The following RHOQ variants were observed in gnomAD, a reference collection of about 807,000 sequenced individuals.
RHOQ encodes the protein rho-related GTP-binding protein RhoQ.
Under a neutral mutation model 25.8 loss-of-function variants are expected in RHOQ, and 7 were observed. The observed-to-expected ratio is 0.27, with a 90% CI of 0.15 to 0.51. The LOEUF (loss-of-function observed/expected upper bound fraction) is 0.51, where lower values mean the gene tolerates loss of function less well. Ranked by LOEUF, RHOQ falls within the 20% of genes least tolerant of loss-of-function variation. The pLI, the probability that RHOQ is intolerant of heterozygous loss-of-function variation, is 0.97. For synonymous variants in RHOQ, 97 were observed against 98.6 expected (o/e 0.98, Z 0.10); for missense variants, 165 against 260.6 (o/e 0.63, Z 2.53).
At chr2:46,545,734 T>C (rs760052743) in intron 2 of RHOQ, among the ~76,000 whole-genome samples, 1 of 152,112 alleles carries the variant, frequency 6.6e-6, no homozygotes, top group Non-Finnish European at 1.5e-5. Flanking sequence ...ACGGGGTTGA[T>C]TGGATTGTTT....
rs1007725857 is a variant in RHOQ, at chr2:46,552,978, G to A, written c.201+9166G>A. Among the ~76,000 whole-genome samples, 4 of 152,198 alleles carry A rather than the reference G, an allele frequency of 2.6e-5. No homozygotes were observed. Among genetic ancestry groups the A allele is most frequent in the East Asian group, 1.9e-4 (1 of 5,202 alleles). On this transcript the variant is annotated intron_variant, in intron 2 of 4. Coordinates refer to ENST00000238738, the MANE Select transcript of RHOQ (RefSeq NM_012249.4). The surrounding 1 kb of genome is among the most constrained non-coding windows in gnomAD (Gnocchi z 5.0). ...AAGTGATCAGTTTGGATTCTTACAC[G>A]TACTAGATGCTCAGCGAGGCCTTGA...
rs541426562 is a variant in RHOQ at position 46,555,115 on chromosome 2, G to A, written c.201+11303G>A. ...TCTGCTTCCTTCGGACAGGGACTTC[G>A]TCCAACAGGCGAGAGCTTTGGGTAT... is the stretch of plus-strand genomic sequence containing the variant. On this transcript the variant is annotated intron_variant, in intron 2 of 4. Coordinates refer to ENST00000238738, the MANE Select transcript of RHOQ (RefSeq NM_012249.4). The surrounding 1 kb of genome is among the most constrained non-coding windows in gnomAD (Gnocchi z 4.3). 4.6e-5 allele frequency among the ~76,000 whole-genome samples: 7 copies of A among 152,334 alleles called. No homozygotes were observed. Among genetic ancestry groups the A allele is most frequent in the African/African-American group, 9.6e-5 (4 of 41,576 alleles).
rs780122504 is a variant in RHOQ at position 46,548,888 on chromosome 2, A to C, written c.201+5076A>C. Among the ~76,000 whole-genome samples the C allele has an allele frequency of 6.6e-6, 1 of 152,088 alleles. No homozygotes were observed. Among genetic ancestry groups the C allele is most frequent in the Non-Finnish European group, 1.5e-5 (1 of 68,028 alleles). ...AGGTGGATAGCCTTTGTTGACTCCA[A>C]AGCCTTTGCTGTGTTCGCTCCAAAG... On this transcript the variant is annotated intron_variant, in intron 2 of 4. Coordinates refer to ENST00000238738, the MANE Select transcript of RHOQ (RefSeq NM_012249.4). This position sits in a 1 kb window ranked among gnomAD's most constrained non-coding sequence, Gnocchi z 5.2.
intron 2 of RHOQ, among the ~76,000 whole-genome samples, chr2:46,574,926 AG>A (rs1669060657): frequency 6.6e-6 from 1 of 152,192 alleles, no homozygotes. Flanking sequence ...GTCATTTAAG[AG>A]GGGAGGTGGC....
intron 2 of RHOQ, among the ~76,000 whole-genome samples, chr2:46,551,764 A>G (rs1316753186): frequency 1.3e-5 from 2 of 152,188 alleles, no homozygotes; most frequent in Non-Finnish European, 2.9e-5. Flanking sequence ...ACTCAGGCTC[A>G]GGGTAGACTG....
rs1278780088 is a variant in RHOQ, at chr2:46,548,131, A to G, written c.201+4319A>G. ...GGATGTATTGTTTCTATGTCTGTTA[A>G]CTTAAACACACAAGTTCAGGGAAGC... On this transcript the variant is annotated intron_variant, in intron 2 of 4. Coordinates refer to ENST00000238738, the MANE Select transcript of RHOQ (RefSeq NM_012249.4). The surrounding 1 kb of genome is among the most constrained non-coding windows in gnomAD (Gnocchi z 5.2). Among the ~76,000 whole-genome samples, 1 of 152,208 alleles carries G rather than the reference A, an allele frequency of 6.6e-6. No homozygotes were observed.
rs1668259101 is a variant in RHOQ, at chr2:46,552,089, A to G, written c.201+8277A>G. Among the ~76,000 whole-genome samples the G allele has an allele frequency of 6.6e-6, 1 of 152,206 alleles. No individual in the cohort carries two copies. The highest frequency in any genetic ancestry group is 6.5e-5 in the Admixed American group (1 of 15,282). ...CACATGCACTGTTGTTCAGCGTTTC[A>G]TGTAAAAGGTACATTCCAAGCGTAT... On this transcript the variant is annotated intron_variant, in intron 2 of 4. Transcript: ENST00000238738. This position sits in a 1 kb window ranked among gnomAD's most constrained non-coding sequence, Gnocchi z 5.0.
In RHOQ at chr2:46,582,408, C is replaced by T. The variant is rs1669425795; in HGVS notation, c.*1325C>T. On this transcript the variant is annotated 3_prime_UTR_variant, in exon 5 of 5. Coordinates refer to ENST00000238738, the MANE Select transcript of RHOQ (RefSeq NM_012249.4). ...GCCACAGAACTGTGTTAGAGGTGAA[C>T]CATCTTAATTACTAGTTCTATTACC... 6.6e-6 allele frequency: 1 copy of T among 152,138 alleles called. No individual in the cohort carries two copies. The highest frequency in any genetic ancestry group is 6.5e-5 in the Admixed American group (1 of 15,276). The allele number at this position is 152,138 out of a possible 1,614,324, so 9.4% of individuals were successfully genotyped here. A position where few individuals can be genotyped will look rare whatever the true frequency, so the allele number is the denominator to read the frequency against.
At position 46,552,993 on chromosome 2, in the gene RHOQ, C is replaced by T. The variant is rs750823766; in HGVS notation, c.201+9181C>T. 7.2e-5 allele frequency among the ~76,000 whole-genome samples: 11 copies of T among 152,178 alleles called. No homozygotes were observed. Among genetic ancestry groups the T allele is most frequent in the Admixed American group, 3.9e-4 (6 of 15,278 alleles). On this transcript the variant is annotated intron_variant, in intron 2 of 4. Transcript: ENST00000238738. The surrounding 1 kb of genome is among the most constrained non-coding windows in gnomAD (Gnocchi z 5.0). Reference sequence around the variant, plus strand: ...ATTCTTACACGTACTAGATGCTCAGCGAGGCCTTGAATGGTGGCACTGGTT... The same window carrying T: ...ATTCTTACACGTACTAGATGCTCAGTGAGGCCTTGAATGGTGGCACTGGTT...
intron 2 of RHOQ, among the ~76,000 whole-genome samples, chr2:46,557,812 T>C (rs1668450864): frequency 6.6e-6 from 1 of 152,228 alleles, no homozygotes; most frequent in Admixed American, 6.5e-5. Context: ...AAATATTCTC[T>C]GTTGAATTCA....
chr2:46,572,641 C>G, intron 2 of RHOQ: 1 of 374,224 alleles, frequency 2.7e-6, no homozygotes, highest in East Asian at 7.4e-5. Context: ...TTTCTGTACT[C>G]CTGAGAATGT....
In RHOQ at chr2:46,576,914, C is replaced by G. The variant is rs1230042359; in HGVS notation, c.462+258C>G. The G allele has an allele frequency of 9.3e-6, 3 of 322,562 alleles. No individual in the cohort carries two copies. The highest frequency in any genetic ancestry group is 1.7e-5 in the Non-Finnish European group (3 of 176,760). 20.0% of individuals were successfully genotyped at this position (322,562 alleles called of 1,614,324 possible). On this transcript the variant is annotated intron_variant, in intron 4 of 4. Coordinates refer to ENST00000238738, the MANE Select transcript of RHOQ (RefSeq NM_012249.4). The surrounding 1 kb of genome is among the most constrained non-coding windows in gnomAD (Gnocchi z 5.1). Reference sequence around the variant, plus strand: ...GGCAGAGTTGGGTTTCAGTCCAAAGCCTGACTCCTGGGCCGAGACTCTTAC... The same window carrying G: ...GGCAGAGTTGGGTTTCAGTCCAAAGGCTGACTCCTGGGCCGAGACTCTTAC...
chr2:46,561,059 A>G (rs956668758), intron 2 of RHOQ, among the ~76,000 whole-genome samples: 1 of 151,566 alleles, frequency 6.6e-6, no homozygotes, highest in East Asian at 1.9e-4. Context: ...GTATATAGAC[A>G]TATATCTCTC....
At chr2:46,575,485 T>TCTCAGTGAAGCTGTA (rs1214029884) in intron 2 of RHOQ, among the ~76,000 whole-genome samples, 3 of 151,518 alleles carry the variant, frequency 2.0e-5, no homozygotes, top group Admixed American at 2.0e-4. Flanking sequence ...AGCTTGAAGG[T>TCTCAGTGAAGCTGTA]CTCAGTGAAG....
chr2:46,561,820 A>AT (rs1374790009), intron 2 of RHOQ, among the ~76,000 whole-genome samples: 1 of 152,056 alleles, frequency 6.6e-6, no homozygotes, highest in African/African-American at 2.4e-5. Context: ...TCTGCACCGC[A>AT]TTTTTTTAGT....
In RHOQ at chr2:46,576,221, A is replaced by C. The variant is rs1669121402; in HGVS notation, c.336A>C (p.Pro112=). 1.2e-6 allele frequency: 2 copies of C among 1,609,476 alleles called. No individual in the cohort carries two copies. Among genetic ancestry groups the C allele is most frequent in the South Asian group, 1.1e-5 (1 of 90,780 alleles). Reference sequence around the variant, plus strand: ...TACCGGAACTTAAGGAATACGCACCAAATGTACCCTTTTTATTAATAGGAA... The same window carrying C: ...TACCGGAACTTAAGGAATACGCACCCAATGTACCCTTTTTATTAATAGGAA... ...EWVPELKEYA[P]NVPFLLIGTQ... Residue 112 remains proline, a synonymous_variant, in exon 3 of 5, where the codon CCA becomes CCC. Transcript: ENST00000238738. The surrounding 1 kb of genome is among the most constrained non-coding windows in gnomAD (Gnocchi z 5.1).
In RHOQ at chr2:46,569,554, C is replaced by T. The variant is rs777010703; in HGVS notation, c.202-6533C>T. ...CTCCACCAGATGTAAATTTTCTCTC[C>T]GTTTCCTCCAGCCAACCTAAACAGG... is the stretch of plus-strand genomic sequence containing the variant. On this transcript the variant is annotated intron_variant, in intron 2 of 4. Coordinates refer to ENST00000238738, the MANE Select transcript of RHOQ (RefSeq NM_012249.4). This position sits in a 1 kb window ranked among gnomAD's most constrained non-coding sequence, Gnocchi z 4.1. 5 of 152,156 alleles carry T rather than the reference C, an allele frequency of 3.3e-5. No individual in the cohort carries two copies. The highest frequency in any genetic ancestry group is 4.1e-4 in the South Asian group (2 of 4,824). The allele number at this position is 152,156 out of a possible 1,614,324, so 9.4% of individuals were successfully genotyped here.
In RHOQ at chr2:46,580,408, C is replaced by A. The variant is rs188490643; in HGVS notation, c.463-520C>A. On this transcript the variant is annotated intron_variant, in intron 4 of 4. Coordinates refer to ENST00000238738, the MANE Select transcript of RHOQ (RefSeq NM_012249.4). ...GATCTTGTTCCTTGACTGCTCCAGG[C>A]ATGCTCCTGCATCAGGATCTATCTG... 3.1e-3 allele frequency: 474 copies of A among 152,446 alleles called. 3 individuals carry two copies. Among genetic ancestry groups the A allele is most frequent in the Non-Finnish European group, 5.5e-3 (376 of 68,110 alleles). The allele number at this position is 152,446 out of a possible 1,614,324, so 9.4% of individuals were successfully genotyped here. A position where few individuals can be genotyped will look rare whatever the true frequency, so the allele number is the denominator to read the frequency against.
intron 2 of RHOQ, among the ~76,000 whole-genome samples, chr2:46,551,933 C>T (rs969562313): frequency 2.0e-4 from 31 of 152,166 alleles, no homozygotes; most frequent in African/African-American, 5.3e-4. Flanking sequence ...TTAAATGACT[C>T]GCTCCAGGCC....
Sources: allele counts gnomAD v4.1 joint callset (sites outside exome capture counted in the v4.1 genomes callset), GRCh38; gene constraint gnomAD v4.1.1; non-coding constraint Gnocchi (gnomAD v3.1); transcripts MANE v1.5; gene names NCBI Gene and HGNC (gene_info 2026-07-23, HGNC 2026-07-21).